NECTIN2: variants seen among roughly 807,000 people sequenced by gnomAD.
NECTIN2 encodes nectin cell adhesion molecule 2.
NECTIN2 carries 23 observed loss-of-function variants against 56.9 expected under a neutral mutation model. The ratio of observed to expected loss-of-function variants is 0.40; its 90% CI spans 0.29 to 0.57. The LOEUF (loss-of-function observed/expected upper bound fraction) is 0.57. Ranked by LOEUF, NECTIN2 falls within the 20% of genes least tolerant of loss-of-function variation. NECTIN2 has a pLI of 0.38. For synonymous variants in NECTIN2, 302 were observed against 313.8 expected (o/e 0.96, Z 0.40); for missense variants, 587 against 718.3 (o/e 0.82, Z 2.09).
At position 44,874,058 on chromosome 19, in the gene NECTIN2, T is replaced by A; in HGVS notation, c.893+25T>A. The A allele has an allele frequency of 2.6e-6, 4 of 1,563,800 alleles. No homozygotes were observed. Among genetic ancestry groups the A allele is most frequent in the Non-Finnish European group, 3.5e-6 (4 of 1,136,456 alleles). ...CGTGAGTCACGTGGTCTCAGAACCCTGGGTCTGAGGGAGGCGGGGCTGGGG... is the reference window on the plus strand; with the variant it reads ...CGTGAGTCACGTGGTCTCAGAACCCAGGGTCTGAGGGAGGCGGGGCTGGGG... On this transcript the variant is annotated intron_variant, in intron 4 of 8. Coordinates refer to ENST00000252483, the MANE Select transcript of NECTIN2 (RefSeq NM_001042724.2). This position sits in a 1 kb window ranked among gnomAD's most constrained non-coding sequence, Gnocchi z 6.3.
chr19:44,882,815 T>G (rs1049053179), intron 6 of NECTIN2, among the ~76,000 whole-genome samples: 60 of 140,056 alleles, frequency 4.3e-4, no homozygotes, highest in African/African-American at 1.6e-3. Context: ...GGAGTCTCAC[T>G]CTGTCACCGA....
At chr19:44,881,985 T>C (rs1969312904) in intron 5 of NECTIN2, 2 of 381,212 alleles carry the variant, frequency 5.2e-6, no homozygotes, top group African/African-American at 2.1e-5. Flanking sequence ...CAAAGTTCCA[T>C]GAAGGTAGAC....
At chr19:44,878,254 C>A in intron 5 of NECTIN2, 2 of 886,672 alleles carry the variant, frequency 2.3e-6, no homozygotes, top group East Asian at 2.6e-5. Context: ...GAGATGTGGG[C>A]CCGCTGGTGT....
intron 1 of NECTIN2, among the ~76,000 whole-genome samples, chr19:44,848,659 C>T (rs956605470): frequency 1.3e-5 from 2 of 151,310 alleles, no homozygotes; most frequent in African/African-American, 4.9e-5. Flanking sequence ...GGCATGTGCT[C>T]GCTCTCCCTC....
chr19:44,850,004 C>G (rs1531516), intron 1 of NECTIN2, among the ~76,000 whole-genome samples: 47,629 of 152,004 alleles, frequency 0.31, 8,531 homozygotes, highest in South Asian at 0.41. Flanking sequence ...ATATAAGAGG[C>G]ACAGAGCAGA....
intron 6 of NECTIN2, among the ~76,000 whole-genome samples, chr19:44,885,331 A>ATT (rs35951235): frequency 0.32 from 38,308 of 118,536 alleles, 6,471 homozygotes; most frequent in African/African-American, 0.5. Context: ...TTTTTTTTTA[A>ATT]TTTGAGATGG....
intron 2 of NECTIN2, among the ~76,000 whole-genome samples, chr19:44,868,339 G>C (rs1243480670): frequency 1.4e-5 from 2 of 141,160 alleles, no homozygotes; most frequent in African/African-American, 2.7e-5. Context: ...ACTCCAGCAC[G>C]AGACCCTGTC....
rs1333655728 is a variant in NECTIN2, at chr19:44,865,578, G to A, written c.396G>A (p.Val132=). 2 of 1,548,394 alleles carry A rather than the reference G, an allele frequency of 1.3e-6. No homozygotes were observed. The highest frequency in any genetic ancestry group is 1.2e-5 in the South Asian group (1 of 84,716). Residue 132 remains valine, a synonymous_variant, in exon 2 of 9, where the codon GTG becomes GTA. Coordinates refer to ENST00000252483, the MANE Select transcript of NECTIN2 (RefSeq NM_001042724.2). This position sits in a 1 kb window ranked among gnomAD's most constrained non-coding sequence, Gnocchi z 5.2. The part of the protein sequence containing the change: ...DATLALHGLT[V]EDEGNYTCEF... ...CGCTGGCCCTCCACGGGCTCACGGTGGAGGACGAGGGCAACTACACTTGCG... is the reference window on the plus strand; with the variant it reads ...CGCTGGCCCTCCACGGGCTCACGGTAGAGGACGAGGGCAACTACACTTGCG...
intron 2 of NECTIN2, among the ~76,000 whole-genome samples, chr19:44,869,897 G>A (rs921990535): frequency 2.6e-5 from 4 of 152,044 alleles, no homozygotes; most frequent in Non-Finnish European, 4.4e-5. Flanking sequence ...GCAGTAAGCT[G>A]AGATTGCACC....
At chr19:44,848,766 C>T (rs1365893278) in intron 1 of NECTIN2, among the ~76,000 whole-genome samples, 4 of 151,856 alleles carry the variant, frequency 2.6e-5, no homozygotes, top group Non-Finnish European at 1.5e-5. Flanking sequence ...CTCTCTCCAT[C>T]CCTCTCCAAG....
At chr19:44,846,710 C>T (rs1213983934) in intron 1 of NECTIN2, 97 bp downstream of exon 1, 2 of 1,384,680 alleles carry the variant, frequency 1.4e-6, no homozygotes, top group African/African-American at 1.5e-5. Context: ...CCACCCCCGG[C>T]TCCCCGAGCC....
chr19:44,885,822 A>T (rs1389654216), intron 6 of NECTIN2, 115 bp from the exon 7 acceptor site: 1 of 839,476 alleles, frequency 1.2e-6, no homozygotes, highest in East Asian at 2.5e-5. Context: ...TCCAGGCAAG[A>T]AAAGGGGGCA....
Position 44,865,483 on chromosome 19 carries a change from G to A in NECTIN2, c.301G>A (p.Glu101Lys), listed in dbSNP as rs200611066. The A allele has an allele frequency of 1.7e-4, 266 of 1,611,272 alleles. No homozygotes were observed. In the East Asian group the frequency reaches 4.5e-3, roughly 27 times the overall value. The change falls in exon 2 of 9, where the codon GAG becomes AAG. Residue 101 changes from glutamate to lysine, a missense_variant. Glu to Lys is a moderately conservative substitution (Grantham distance 56, BLOSUM62 1). Transcript: ENST00000252483. The surrounding 1 kb of genome is among the most constrained non-coding windows in gnomAD (Gnocchi z 5.2). ...CTTCCCCAGCCCGAAGCCTGGCAGC[G>A]AGCGGCTGTCCTTCGTCTCTGCCAA... ...PSFPSPKPGS[E>K]RLSFVSAKQS...
At chr19:44,885,615 C>A (rs935557897) in intron 6 of NECTIN2, among the ~76,000 whole-genome samples, 4 of 152,012 alleles carry the variant, frequency 2.6e-5, no homozygotes, top group African/African-American at 9.7e-5. Flanking sequence ...CCCAGCCCAA[C>A]ACAGATCTTT....
chr19:44,884,664 G>A (rs1969340932), intron 6 of NECTIN2, among the ~76,000 whole-genome samples: 1 of 152,204 alleles, frequency 6.6e-6, no homozygotes, highest in Non-Finnish European at 1.5e-5. Flanking sequence ...GATAGTGATG[G>A]TGTAGCATGA....
chr19:44,867,929 G>A (rs1286067325), intron 2 of NECTIN2, among the ~76,000 whole-genome samples: 1 of 152,130 alleles, frequency 6.6e-6, no homozygotes, highest in Non-Finnish European at 1.5e-5. Flanking sequence ...AGGGAGCTGG[G>A]ACGAGAGGGG....
Position 44,865,319 on chromosome 19 carries a change from T to A in NECTIN2, c.137T>A (p.Leu46His). ...VQVLPEVRGQ[L>H]GGTVELPCHL... ...GTGCTACCCGAGGTGCGAGGCCAGC[T>A]CGGGGGCACCGTGGAGCTGCCGTGC... Residue 46 changes from leucine to histidine, a missense_variant, in exon 2 of 9, where the codon CTC (leucine) becomes CAC (histidine). By Grantham distance (99) the Leu-to-His change is moderately conservative. Coordinates refer to ENST00000252483, the MANE Select transcript of NECTIN2 (RefSeq NM_001042724.2). The surrounding 1 kb of genome is among the most constrained non-coding windows in gnomAD (Gnocchi z 5.2). 1 of 1,613,936 alleles carries A rather than the reference T, an allele frequency of 6.2e-7. No homozygotes were observed. The highest frequency in any genetic ancestry group is 8.5e-7 in the Non-Finnish European group (1 of 1,179,938).
At position 44,874,560 on chromosome 19, in the gene NECTIN2, G is replaced by A. The variant is rs1969215543; in HGVS notation, c.1042+82G>A. 1.3e-6 allele frequency: 2 copies of A among 1,552,244 alleles called. No homozygotes were observed. Among genetic ancestry groups the A allele is most frequent in the Admixed American group, 3.4e-5 (2 of 58,604 alleles). On this transcript the variant is annotated intron_variant, in intron 5 of 8. Coordinates refer to ENST00000252483, the MANE Select transcript of NECTIN2 (RefSeq NM_001042724.2). The surrounding 1 kb of genome is among the most constrained non-coding windows in gnomAD (Gnocchi z 6.3). Reference sequence around the variant, plus strand: ...GCCCTTCAGGACTTGGGGCTGCACTGGGGGAGGCTGCGCCGCCGACCTGGG... The same window carrying A: ...GCCCTTCAGGACTTGGGGCTGCACTAGGGGAGGCTGCGCCGCCGACCTGGG...
At position 44,867,081 on chromosome 19, in the gene NECTIN2, C is replaced by T. The variant is rs1311478479; in HGVS notation, c.478+1421C>T. 5.3e-5 allele frequency among the ~76,000 whole-genome samples: 8 copies of T among 151,892 alleles called. No individual in the cohort carries two copies. The South Asian group carries it at 8.3e-4, about 16-fold the overall frequency. On this transcript the variant is annotated intron_variant, in intron 2 of 8. Coordinates refer to ENST00000252483, the MANE Select transcript of NECTIN2 (RefSeq NM_001042724.2). ...TTACCCAGGCTGTAGTGGAGTGGCGCGATCTCGGCTCACTGCAACCTCCGC... is the reference window on the plus strand; with the variant it reads ...TTACCCAGGCTGTAGTGGAGTGGCGTGATCTCGGCTCACTGCAACCTCCGC...
Sources: gnomAD v4.1 joint callset for allele counts (sites outside exome capture counted in the v4.1 genomes callset) on GRCh38, gnomAD v4.1.1 for gene constraint, Gnocchi (gnomAD v3.1) non-coding constraint, MANE v1.5 for transcripts, NCBI Gene and HGNC (gene_info 2026-07-23, HGNC 2026-07-21) for gene names.